Variants in DKK2 observed in about 807,000 individuals in gnomAD.
DKK2 encodes the protein dickkopf Wnt signaling pathway inhibitor 2.
Under a neutral mutation model 28.1 loss-of-function variants are expected in DKK2, and 11 were observed. The ratio of observed to expected loss-of-function variants is 0.39; its 90% CI spans 0.25 to 0.65. DKK2 has a LOEUF of 0.65. Among genes scored for constraint, DKK2 ranks in the 30% least tolerant of loss-of-function variants. DKK2 has a pLI of 0.47. For synonymous variants in DKK2, 135 were observed against 126.5 expected (o/e 1.07, Z -0.45); for missense variants, 326 against 335.5 (o/e 0.97, Z 0.22).
chr4:106,938,730 G>A lies in DKK2; in HGVS notation c.223-12781C>T, dbSNP rs186810966. On this transcript the variant is annotated intron_variant, in intron 1 of 3. Coordinates refer to ENST00000285311, the MANE Select transcript of DKK2 (RefSeq NM_014421.3). The stretch of plus-strand genomic sequence containing the variant: ...ATCCTCAACAAAATACTGGCAAAAC[G>A]AATCCAGCAGCACATCAAAAAGCTT... Among the ~76,000 whole-genome samples, 622 of 152,070 alleles carry A rather than the reference G, an allele frequency of 4.1e-3. 3 individuals carry two copies. The highest frequency in any genetic ancestry group is 0.014 in the African/African-American group (594 of 41,498).
chr4:106,987,441 T>C (rs1268549566), intron 1 of DKK2, among the ~76,000 whole-genome samples: 1 of 152,346 alleles, frequency 6.6e-6, no homozygotes, highest in East Asian at 1.9e-4. Flanking sequence ...GTCCCTTTCT[T>C]GTGTAACACC....
chr4:107,030,177 G>A (rs1413824330), intron 1 of DKK2, among the ~76,000 whole-genome samples: 5 of 152,008 alleles, frequency 3.3e-5, no homozygotes, highest in Non-Finnish European at 7.4e-5. Flanking sequence ...CCATTACAAA[G>A]AAAAGAACCT....
intron 1 of DKK2, among the ~76,000 whole-genome samples, chr4:106,993,354 C>T (rs1018216053): frequency 3.3e-5 from 5 of 152,112 alleles, no homozygotes; most frequent in Admixed American, 2.0e-4. Flanking sequence ...GTTCAATAAA[C>T]GGAGGTTTCC....
At chr4:106,990,526 T>A (rs1001507158) in intron 1 of DKK2, among the ~76,000 whole-genome samples, 1 of 152,222 alleles carries the variant, frequency 6.6e-6, no homozygotes, top group South Asian at 2.1e-4. Context: ...TCTAGCTCCA[T>A]GCTGGTAACT....
At chr4:107,000,732 G>C (rs1723347757) in intron 1 of DKK2, among the ~76,000 whole-genome samples, 1 of 152,098 alleles carries the variant, frequency 6.6e-6, no homozygotes, top group African/African-American at 2.4e-5. Context: ...CAGGCATGAT[G>C]CCAGAATCTT....
intron 1 of DKK2, among the ~76,000 whole-genome samples, chr4:106,976,528 T>A (rs529088879): frequency 4.4e-4 from 67 of 152,356 alleles, no homozygotes; most frequent in African/African-American, 1.6e-3. Flanking sequence ...TTTGTTGGTT[T>A]AAAGTCTGTT....
At chr4:107,015,528 A>G (rs777652170) in intron 1 of DKK2, among the ~76,000 whole-genome samples, 6 of 151,568 alleles carry the variant, frequency 4.0e-5, no homozygotes, top group Non-Finnish European at 8.9e-5. Flanking sequence ...CCTGTTTTCT[A>G]TTTTCTTCAT....
chr4:106,973,659 A>C (rs1722901705), intron 1 of DKK2, among the ~76,000 whole-genome samples: 3 of 152,134 alleles, frequency 2.0e-5, no homozygotes, highest in Admixed American at 6.6e-5. Flanking sequence ...GAGAGATTGC[A>C]AAAATTTTCT....
At chr4:106,961,062 T>G (rs1722678343) in intron 1 of DKK2, among the ~76,000 whole-genome samples, 1 of 152,174 alleles carries the variant, frequency 6.6e-6, no homozygotes, top group South Asian at 2.1e-4. Flanking sequence ...TTTCTGCAAG[T>G]TAATACATGA....
chr4:107,017,357 T>G (rs922831526), intron 1 of DKK2, among the ~76,000 whole-genome samples: 3 of 152,068 alleles, frequency 2.0e-5, no homozygotes, highest in East Asian at 3.9e-4. Flanking sequence ...CAATTATAGC[T>G]GTTTAAAGGC....
At chr4:106,995,072 T>C (rs1723252762) in intron 1 of DKK2, among the ~76,000 whole-genome samples, 1 of 152,174 alleles carries the variant, frequency 6.6e-6, no homozygotes, top group South Asian at 2.1e-4. Context: ...TTACCTAAAA[T>C]ATTAATTTAC....
At chr4:106,976,045 C>T (rs988369989) in intron 1 of DKK2, among the ~76,000 whole-genome samples, 8 of 152,050 alleles carry the variant, frequency 5.3e-5, no homozygotes, top group Non-Finnish European at 8.8e-5. Flanking sequence ...TGTAGTTGTG[C>T]GGTTTTGAGT....
chr4:107,006,797 T>G (rs1330181423), intron 1 of DKK2, among the ~76,000 whole-genome samples: 1 of 152,066 alleles, frequency 6.6e-6, no homozygotes, highest in Non-Finnish European at 1.5e-5. Context: ...AACTGTTAAA[T>G]AAAAACCTTT....
chr4:107,000,489 G>C (rs1184451377), intron 1 of DKK2, among the ~76,000 whole-genome samples: 1 of 152,076 alleles, frequency 6.6e-6, no homozygotes, highest in Non-Finnish European at 1.5e-5. Context: ...TACTCAAAAG[G>C]CAAAAGGGAA....
At position 106,921,843 on chromosome 4, in the gene DKK2, T is replaced by G. The variant is rs1724347320; in HGVS notation, c.*2111A>C. On this transcript the variant is annotated 3_prime_UTR_variant, in exon 4 of 4. Transcript: ENST00000285311. Reference sequence around the variant, plus strand: ...GAAAAATTTAATAGATTTTATCTTATTATACATTTTTCCTAAATTACAAAG... The same window carrying G: ...GAAAAATTTAATAGATTTTATCTTAGTATACATTTTTCCTAAATTACAAAG... 1 of 152,710 alleles carries G rather than the reference T, an allele frequency of 6.5e-6. No homozygotes were observed. The highest frequency in any genetic ancestry group is 2.1e-4 in the South Asian group (1 of 4,830). 9.5% of individuals were successfully genotyped at this position (152,710 alleles called of 1,614,324 possible).
chr4:107,015,705 T>C (rs1361451279), intron 1 of DKK2, among the ~76,000 whole-genome samples: 2 of 151,770 alleles, frequency 1.3e-5, no homozygotes, highest in African/African-American at 4.8e-5. Context: ...ATGATCTGTG[T>C]CTCAATCTAT....
At chr4:106,959,760 C>T (rs1418824317) in intron 1 of DKK2, among the ~76,000 whole-genome samples, 2 of 151,996 alleles carry the variant, frequency 1.3e-5, no homozygotes, top group South Asian at 4.2e-4. Context: ...ATTCATTCAC[C>T]AAATACTTTT....
intron 1 of DKK2, among the ~76,000 whole-genome samples, chr4:106,968,129 G>GAGGA (rs370699094): frequency 7.6e-6 from 1 of 131,314 alleles, no homozygotes; most frequent in Non-Finnish European, 1.7e-5. Context: ...GGGAAGGAGG[G>GAGGA]AGGAAGGAAG....
At chr4:107,009,315 T>C (rs924669979) in intron 1 of DKK2, among the ~76,000 whole-genome samples, 1 of 151,850 alleles carries the variant, frequency 6.6e-6, no homozygotes, top group African/African-American at 2.4e-5. Flanking sequence ...AAAATAAAAA[T>C]AGTGAAATGT....
Sources: gnomAD v4.1 joint callset for allele counts (sites outside exome capture counted in the v4.1 genomes callset) on GRCh38, gnomAD v4.1.1 for gene constraint, MANE v1.5 for transcripts, NCBI Gene and HGNC (gene_info 2026-07-23, HGNC 2026-07-21) for gene names.